GPD2: variants seen among roughly 807,000 people sequenced by gnomAD.
The protein encoded by GPD2 is glycerol-3-phosphate dehydrogenase 2, also known as glycerol-3-phosphate dehydrogenase, mitochondrial.
A neutral mutation model predicts 82.4 loss-of-function variants in GPD2; 54 were observed. The observed-to-expected ratio is 0.66, with a 90% CI of 0.53 to 0.82. The LOEUF is 0.82. GPD2 is among the 40% of genes least tolerant of loss of function. The pLI, the probability that GPD2 is intolerant of heterozygous loss-of-function variation, is 0.00. For synonymous variants in GPD2, 288 were observed against 306.1 expected (o/e 0.94, Z 0.62); for missense variants, 748 against 896.2 (o/e 0.83, Z 2.11).
chr2:156,512,157 T>C (rs1685020750), intron 4 of GPD2, 63 bp from the exon 5 acceptor site: 1 of 829,036 alleles, frequency 1.2e-6, no homozygotes, highest in East Asian at 2.4e-5. Context: ...GGGTGTCTAT[T>C]TGCCATTTGA....
the GPD2 span, among the ~76,000 whole-genome samples, chr2:156,416,346 A>G: frequency 6.6e-6 from 1 of 151,296 alleles, no homozygotes; most frequent in African/African-American, 2.4e-5. Flanking sequence ...TCATTTTAAA[A>G]TATTTCTTTT....
At chr2:156,551,111 A>T (rs17199901) in intron 8 of GPD2, among the ~76,000 whole-genome samples, 31,941 of 152,146 alleles carry the variant, frequency 0.21, 4,111 homozygotes, top group South Asian at 0.31. Flanking sequence ...ATAAGACATG[A>T]ATTTTGCAGA....
chr2:156,439,923 T>C (rs1413637118), intron 1 of GPD2, among the ~76,000 whole-genome samples: 1 of 151,996 alleles, frequency 6.6e-6, no homozygotes, highest in African/African-American at 2.4e-5. Flanking sequence ...GACAATGGGG[T>C]ATATTTTATA....
At chr2:156,421,387 G>T in the GPD2 span, among the ~76,000 whole-genome samples, 7 of 152,134 alleles carry the variant, frequency 4.6e-5, no homozygotes, top group Non-Finnish European at 1.0e-4. Flanking sequence ...TGCATAAGTA[G>T]CCTGCAGTTC....
chr2:156,482,117 G>A (rs1011155907), intron 2 of GPD2, among the ~76,000 whole-genome samples: 6 of 152,238 alleles, frequency 3.9e-5, no homozygotes, highest in African/African-American at 7.2e-5. Context: ...ATAAAGTGCG[G>A]TTGTAGTCAG....
At chr2:156,502,104 ATGTG>A (rs10539711) in intron 3 of GPD2, among the ~76,000 whole-genome samples, 15 of 150,574 alleles carry the variant, frequency 1.0e-4, no homozygotes, top group South Asian at 2.1e-4. Flanking sequence ...ATATATATGC[ATGTG>A]TGTGTGTGTG....
chr2:156,416,370 C>T, the GPD2 span, among the ~76,000 whole-genome samples: 6 of 150,202 alleles, frequency 4.0e-5, no homozygotes, highest in Non-Finnish European at 8.9e-5. Flanking sequence ...TTTTTTGAGA[C>T]CACATCTCAC....
At chr2:156,556,003 C>T (rs925130524) in intron 8 of GPD2, among the ~76,000 whole-genome samples, 1 of 152,154 alleles carries the variant, frequency 6.6e-6, no homozygotes, top group African/African-American at 2.4e-5. Context: ...GAGAAAGACT[C>T]ACTCCTTGTG....
At chr2:156,435,770 G>A (rs1688407509), upstream of GPD2, 1 of 152,392 alleles carries the variant, frequency 6.6e-6, no homozygotes, top group Admixed American at 6.5e-5. Context: ...AGTAGGAGAA[G>A]CCAGATCCCA....
At chr2:156,572,470 C>T (rs193138423) in intron 13 of GPD2, among the ~76,000 whole-genome samples, 124 of 152,080 alleles carry the variant, frequency 8.2e-4, no homozygotes, top group African/African-American at 2.9e-3. Context: ...AGCTTCCCTC[C>T]CCTTAACTGG....
intron 2 of GPD2, among the ~76,000 whole-genome samples, chr2:156,488,718 A>G (rs920952026): frequency 2.0e-5 from 3 of 152,082 alleles, no homozygotes; most frequent in Non-Finnish European, 2.9e-5. Context: ...GATGTAAACT[A>G]TCAAAGATTG....
chr2:156,543,708 G>A (rs1302860653), intron 6 of GPD2, among the ~76,000 whole-genome samples: 2 of 152,188 alleles, frequency 1.3e-5, no homozygotes, highest in South Asian at 2.1e-4. Flanking sequence ...AGGACAACAT[G>A]AGCAAGAAAT....
chr2:156,482,348 A>C (rs1166162185), intron 2 of GPD2, among the ~76,000 whole-genome samples: 1 of 152,196 alleles, frequency 6.6e-6, no homozygotes, highest in Non-Finnish European at 1.5e-5. Flanking sequence ...TCTAACTGTT[A>C]TAATAAGTTC....
chr2:156,416,705 C>T, the GPD2 span, among the ~76,000 whole-genome samples: 1 of 151,974 alleles, frequency 6.6e-6, no homozygotes, highest in Non-Finnish European at 1.5e-5. Flanking sequence ...CTTTCAGACA[C>T]TGATGATACA....
chr2:156,544,946 G>A (rs574591547), intron 6 of GPD2, among the ~76,000 whole-genome samples: 5 of 152,296 alleles, frequency 3.3e-5, no homozygotes, highest in Non-Finnish European at 7.4e-5. Context: ...AATCACTTTT[G>A]TAAATGGTTT....
At chr2:156,449,319 T>C (rs1206841026) in intron 1 of GPD2, among the ~76,000 whole-genome samples, 1 of 152,124 alleles carries the variant, frequency 6.6e-6, no homozygotes, top group Non-Finnish European at 1.5e-5. Context: ...TAGAAACCAT[T>C]AGAGGATTAT....
chr2:156,560,735 A>AT (rs1247547299), intron 9 of GPD2, among the ~76,000 whole-genome samples: 2 of 152,082 alleles, frequency 1.3e-5, no homozygotes, highest in Admixed American at 1.3e-4. Flanking sequence ...TCAAATCCAT[A>AT]TTTTTTCTCA....
At chr2:156,556,616 T>C (rs1372299481) in intron 8 of GPD2, among the ~76,000 whole-genome samples, 3 of 152,220 alleles carry the variant, frequency 2.0e-5, no homozygotes, top group Non-Finnish European at 4.4e-5. Flanking sequence ...AGTCTTTCAG[T>C]AGAGGCAGCA....
the GPD2 span, among the ~76,000 whole-genome samples, chr2:156,427,799 G>C: frequency 1.6e-4 from 25 of 152,228 alleles, no homozygotes; most frequent in African/African-American, 6.0e-4. Context: ...ACATCACTAG[G>C]CTGAAATCAA....
Sources: allele counts gnomAD v4.1 joint callset (sites outside exome capture counted in the v4.1 genomes callset), GRCh38; gene constraint gnomAD v4.1.1; transcripts MANE v1.5; gene names NCBI Gene and HGNC (gene_info 2026-07-23, HGNC 2026-07-21).